AQP11: variants seen among roughly 807,000 people sequenced by gnomAD.
AQP11 encodes the protein aquaporin 11.
In AQP11, 20 loss-of-function variants were observed where a neutral mutation model predicts 21.1. That is an observed-to-expected ratio of 0.95 (90% CI 0.67 to 1.38). AQP11 has a LOEUF of 1.38. Among genes scored for constraint, AQP11 ranks in the 40% most tolerant of loss-of-function variants. AQP11 has a pLI of 0.00. For synonymous variants in AQP11, 167 were observed against 150.1 expected (o/e 1.11, Z -0.82); for missense variants, 339 against 340.4 (o/e 1.00, Z 0.03).
At chr11:77,605,909 G>A (rs1487357583) in intron 2 of AQP11, among the ~76,000 whole-genome samples, 1 of 151,924 alleles carries the variant, frequency 6.6e-6, no homozygotes, top group East Asian at 1.9e-4. Context: ...TGGGTGTGAT[G>A]ATGGGTGCCT....
intron 1 of AQP11, among the ~76,000 whole-genome samples, chr11:77,593,528 T>C (rs1173028986): frequency 2.0e-5 from 3 of 151,756 alleles, no homozygotes; most frequent in Admixed American, 2.0e-4. Context: ...TCCCAGCTAC[T>C]GGGGAGGCTG....
Position 77,592,672 on chromosome 11 carries a change from G to C in AQP11, c.619+2061G>C, listed in dbSNP as rs545298250. On this transcript the variant is annotated intron_variant, in intron 1 of 2. Transcript: ENST00000313578. ...CAAAAAATTTGAGAGAAGAGACACA[G>C]ATAATACTTGGAGTTATAGATCCAG... Among the ~76,000 whole-genome samples, 59 of 152,290 alleles carry C rather than the reference G, an allele frequency of 3.9e-4. 1 individual carries two copies. Among genetic ancestry groups the C allele is most frequent in the African/African-American group, 1.4e-3 (57 of 41,566 alleles).
chr11:77,590,142 G>T lies in AQP11; in HGVS notation c.150G>T (p.Glu50Asp). The change falls in exon 1 of 3, where the codon GAG (glutamate) becomes GAT (aspartate). Residue 50 changes from glutamate (E) to aspartate (D), a missense_variant. Glu to Asp is a conservative substitution (Grantham distance 45). Coordinates refer to ENST00000313578, the MANE Select transcript of AQP11 (RefSeq NM_173039.3). ...CGGTGGCCCACGCCTTCGTCCTGGA[G>T]TTTCTAGCCACCTTCCAGCTCTGCT... Reference protein sequence around the residue: ...HRPVAHAFVLEFLATFQLCCC... With the variant: ...HRPVAHAFVLDFLATFQLCCC... The T allele has an allele frequency of 6.2e-7, 1 of 1,608,720 alleles. No homozygotes were observed.
In AQP11 at chr11:77,609,218, T is replaced by TA. The variant is rs1958863389; in HGVS notation, c.737-78dup. 3.8e-6 allele frequency: 4 copies of TA among 1,056,702 alleles called. No homozygotes were observed. In the South Asian group the frequency reaches 6.4e-5, roughly 17 times the overall value. 65.5% of individuals were successfully genotyped at this position (1,056,702 alleles called of 1,614,324 possible). On this transcript the variant is annotated intron_variant, in intron 2 of 2. Coordinates refer to ENST00000313578, the MANE Select transcript of AQP11 (RefSeq NM_173039.3). ...TTCCAAACATCTAGGTATATAATTG[T>TA]AATTTTAAAATATACCCACCTAGTG...
intron 1 of AQP11, among the ~76,000 whole-genome samples, chr11:77,594,909 C>T (rs756843998): frequency 6.6e-6 from 1 of 151,434 alleles, no homozygotes; most frequent in East Asian, 1.9e-4. Flanking sequence ...AAAAGCTGTG[C>T]GATTTATTAA....
Position 77,609,354 on chromosome 11 carries a change from C to T in AQP11, c.793C>T (p.His265Tyr). 6.2e-7 allele frequency: 1 copy of T among 1,612,590 alleles called. No homozygotes were observed. Residue 265 changes from histidine to tyrosine, a missense_variant, in exon 3 of 3, where the codon CAT becomes TAT. Physicochemically the swap from His to Tyr is moderately conservative, Grantham distance 83 (BLOSUM62 2). Transcript: ENST00000313578. ...SFFLPWLHNN[H>Y]TINKKE ...TTTCCTTCCATGGCTGCATAACAAC[C>T]ATACAATTAATAAAAAGGAATAACT... is the stretch of plus-strand genomic sequence containing the variant.
At chr11:77,600,203 A>T (rs1289649251) in intron 1 of AQP11, among the ~76,000 whole-genome samples, 1 of 150,884 alleles carries the variant, frequency 6.6e-6, no homozygotes, top group Non-Finnish European at 1.5e-5. Context: ...TCCTGAGCTC[A>T]GGCGATACAC....
rs181538867 is a variant in AQP11, at chr11:77,607,630, G to A, written c.737-1668G>A. 7.2e-4 allele frequency among the ~76,000 whole-genome samples: 110 copies of A among 152,136 alleles called. No individual in the cohort carries two copies. The South Asian group carries it at 0.011, about 16-fold the overall frequency. The stretch of plus-strand genomic sequence containing the variant: ...GATGTATATGTGGCCTGGTGTAGTA[G>A]TACATGCATGTAGTCTCAGCTACTC... On this transcript the variant is annotated intron_variant, in intron 2 of 2. Transcript: ENST00000313578.
chr11:77,597,442 C>G (rs572784225), intron 1 of AQP11, among the ~76,000 whole-genome samples: 373 of 152,200 alleles, frequency 2.5e-3, no homozygotes, highest in African/African-American at 8.5e-3. Context: ...CATGGTGGCT[C>G]GCGCCTGTAG....
chr11:77,592,026 G>C (rs1414537643), intron 1 of AQP11, among the ~76,000 whole-genome samples: 1 of 152,222 alleles, frequency 6.6e-6, no homozygotes, highest in Non-Finnish European at 1.5e-5. Flanking sequence ...AACACTTTGG[G>C]AGGCCAAGGC....
chr11:77,593,690 T>C (rs918866257), intron 1 of AQP11, among the ~76,000 whole-genome samples: 1 of 152,116 alleles, frequency 6.6e-6, no homozygotes, highest in African/African-American at 2.4e-5. Context: ...ATGAATATAT[T>C]CTTCCCATTT....
chr11:77,601,207 G>A (rs1355214828), intron 1 of AQP11, among the ~76,000 whole-genome samples: 2 of 152,102 alleles, frequency 1.3e-5, no homozygotes, highest in Admixed American at 1.3e-4. Context: ...GCGGTGCACA[G>A]GACAGCTCAC....
At chr11:77,592,958 C>T (rs776519192) in intron 1 of AQP11, among the ~76,000 whole-genome samples, 5 of 152,204 alleles carry the variant, frequency 3.3e-5, no homozygotes, top group Non-Finnish European at 5.9e-5. Context: ...CACAGGTGAT[C>T]CCATTATGAA....
chr11:77,604,744 A>G (rs1266633731), intron 2 of AQP11, among the ~76,000 whole-genome samples: 2 of 152,278 alleles, frequency 1.3e-5, no homozygotes, highest in Admixed American at 1.3e-4. Context: ...GCTCAATATC[A>G]TATTGTTATG....
intron 1 of AQP11, among the ~76,000 whole-genome samples, chr11:77,592,926 G>A (rs1163626909): frequency 6.6e-6 from 1 of 152,230 alleles, no homozygotes; most frequent in Non-Finnish European, 1.5e-5. Context: ...AGGGGCCTAG[G>A]CAGCGGTGTA....
At chr11:77,605,068 CTG>C (rs1958836226) in intron 2 of AQP11, among the ~76,000 whole-genome samples, 3 of 152,106 alleles carry the variant, frequency 2.0e-5, no homozygotes, top group Non-Finnish European at 4.4e-5. Flanking sequence ...TGGCGGGCAC[CTG>C]TAGTCCCAGC....
At chr11:77,596,822 T>C (rs1002562749) in intron 1 of AQP11, among the ~76,000 whole-genome samples, 1 of 151,498 alleles carries the variant, frequency 6.6e-6, no homozygotes, top group Non-Finnish European at 1.5e-5. Context: ...ATTTCATCAC[T>C]GCATTCCAGC....
chr11:77,590,562 G>A lies in AQP11; in HGVS notation c.570G>A (p.Lys190=), dbSNP rs145117039. ...ALLHFQEVRT[K]LRIHLLAALI... is the part of the protein sequence containing the mutation. ...TGCACTTCCAGGAAGTCCGAACCAA[G>A]CTTCGTATCCACCTGCTGGCTGCAC... Residue 190 remains lysine (K), a synonymous_variant, in exon 1 of 3, where the codon AAG becomes AAA. Coordinates refer to ENST00000313578, the MANE Select transcript of AQP11 (RefSeq NM_173039.3). 1.9e-6 allele frequency: 3 copies of A among 1,614,140 alleles called. No individual in the cohort carries two copies. The African/African-American group carries it at 4.0e-5, about 22-fold the overall frequency.
chr11:77,596,260 G>A (rs1371827961), intron 1 of AQP11, among the ~76,000 whole-genome samples: 1 of 150,828 alleles, frequency 6.6e-6, no homozygotes, highest in Non-Finnish European at 1.5e-5. Context: ...CGCCAACATG[G>A]TAAAGCCCCA....
Sources: gnomAD v4.1 joint callset for allele counts (sites outside exome capture counted in the v4.1 genomes callset) on GRCh38, gnomAD v4.1.1 for gene constraint, MANE v1.5 for transcripts, NCBI Gene and HGNC (gene_info 2026-07-23, HGNC 2026-07-21) for gene names.